Variants in TTC29 observed in about 807,000 individuals in gnomAD.
TTC29 encodes the protein tetratricopeptide repeat domain 29.
TTC29 carries 49 observed loss-of-function variants against 58.1 expected under a neutral mutation model. The observed-to-expected ratio is 0.84, with a 90% CI of 0.67 to 1.07. The LOEUF (loss-of-function observed/expected upper bound fraction) is 1.07, where lower values mean the gene tolerates loss of function less well. Ranked by LOEUF, TTC29 falls within the 50% of genes least tolerant of loss-of-function variation. The pLI, the probability that TTC29 is intolerant of heterozygous loss-of-function variation, is 0.00. For missense variants in TTC29, 582 were observed against 555.6 expected, an observed-to-expected ratio of 1.05 and a Z score of -0.48; for synonymous variants, 209 against 196.8, an observed-to-expected ratio of 1.06 and a Z score of -0.52.
intron 8 of TTC29, among the ~76,000 whole-genome samples, chr4:146,848,475 C>T (rs1240636594): frequency 6.6e-6 from 1 of 152,136 alleles, no homozygotes; most frequent in Non-Finnish European, 1.5e-5. Flanking sequence ...CATAAAATCA[C>T]TTAAATCAAT....
At chr4:146,921,820 T>C (rs1330625753) in intron 4 of TTC29, among the ~76,000 whole-genome samples, 1 of 151,012 alleles carries the variant, frequency 6.6e-6, no homozygotes, top group Non-Finnish European at 1.5e-5. Context: ...GATTTTTATA[T>C]AATTATCTAT....
intron 11 of TTC29, among the ~76,000 whole-genome samples, chr4:146,721,763 T>C (rs1743375256): frequency 6.6e-6 from 1 of 152,072 alleles, no homozygotes; most frequent in African/African-American, 2.4e-5. Context: ...TATGGACAAC[T>C]CTTTAATAAG....
chr4:146,811,714 CT>C (rs1164797700), intron 10 of TTC29, among the ~76,000 whole-genome samples: 2 of 152,190 alleles, frequency 1.3e-5, no homozygotes, highest in African/African-American at 4.8e-5. Flanking sequence ...ATCTTCAACT[CT>C]GCATACCTCT....
intron 4 of TTC29, among the ~76,000 whole-genome samples, chr4:146,923,274 G>A (rs1352456479): frequency 6.6e-6 from 1 of 151,574 alleles, no homozygotes; most frequent in African/African-American, 2.4e-5. Flanking sequence ...TGTAGCATAA[G>A]AAAATTAAAA....
chr4:146,724,096 A>G (rs1387391723), intron 11 of TTC29, among the ~76,000 whole-genome samples: 1 of 152,254 alleles, frequency 6.6e-6, no homozygotes, highest in Non-Finnish European at 1.5e-5. Context: ...GCTGGAGGCC[A>G]TTATCCTAAG....
At chr4:146,759,484 A>T (rs1200678700) in intron 11 of TTC29, among the ~76,000 whole-genome samples, 1 of 152,122 alleles carries the variant, frequency 6.6e-6, no homozygotes, top group African/African-American at 2.4e-5. Context: ...CATAACCAAA[A>T]AAGAAAACTA....
intron 11 of TTC29, among the ~76,000 whole-genome samples, chr4:146,711,192 A>G (rs1742466833): frequency 6.6e-6 from 1 of 152,128 alleles, no homozygotes; most frequent in African/African-American, 2.4e-5. Flanking sequence ...TCTTCAACAA[A>G]CCAAAAGTAT....
rs1359980918 is a variant in TTC29 at position 146,903,705 on chromosome 4, T to C, written c.425A>G (p.Asn142Ser). Residue 142 changes from asparagine to serine, a missense_variant, in exon 6 of 13, where the codon AAC (asparagine) becomes AGC (serine). By Grantham distance (46) the Asn-to-Ser change is conservative. Coordinates refer to ENST00000325106, the MANE Select transcript of TTC29 (RefSeq NM_031956.4). ...RKESFEDVHN[N>S]LYALACYFNN... ...GAAGTAACAGGCCAGAGCATACAAG[T>C]TATTATGTACATCTTCGAAGGATTC... is the stretch of plus-strand genomic sequence containing the variant. 3.7e-6 allele frequency: 6 copies of C among 1,604,056 alleles called. No individual in the cohort carries two copies. The highest frequency in any genetic ancestry group is 1.3e-5 in the African/African-American group (1 of 74,406).
At chr4:146,846,311 T>G (rs1729165526) in intron 8 of TTC29, among the ~76,000 whole-genome samples, 1 of 152,086 alleles carries the variant, frequency 6.6e-6, no homozygotes, top group Admixed American at 6.6e-5. Flanking sequence ...CTCAGACAAA[T>G]AAAAGTTTCC....
chr4:146,833,073 T>A (rs1728273154), intron 9 of TTC29, among the ~76,000 whole-genome samples: 1 of 152,182 alleles, frequency 6.6e-6, no homozygotes, highest in South Asian at 2.1e-4. Context: ...ACAATCTATA[T>A]TACTACAGTT....
At chr4:146,898,472 C>G (rs1362827653) in intron 6 of TTC29, among the ~76,000 whole-genome samples, 2 of 152,194 alleles carry the variant, frequency 1.3e-5, no homozygotes, top group Non-Finnish European at 2.9e-5. Flanking sequence ...CTGTTTCTTT[C>G]TTCAGAAGTC....
At chr4:146,719,632 AC>A (rs1481995787) in intron 11 of TTC29, among the ~76,000 whole-genome samples, 1 of 152,110 alleles carries the variant, frequency 6.6e-6, no homozygotes, top group Non-Finnish European at 1.5e-5. Flanking sequence ...TCTTTTAGAG[AC>A]CATTCCTAAT....
At chr4:146,875,284 T>C (rs896451360) in intron 6 of TTC29, among the ~76,000 whole-genome samples, 3 of 152,230 alleles carry the variant, frequency 2.0e-5, no homozygotes, top group African/African-American at 7.2e-5. Flanking sequence ...GTGTGCTTTA[T>C]ATGCATTTCT....
intron 9 of TTC29, chr4:146,831,791 G>A (rs1480952837): frequency 2.4e-6 from 1 of 424,606 alleles, no homozygotes; most frequent in Admixed American, 2.5e-5. Context: ...ACAGACTCAT[G>A]TCTCTGGAAG....
intron 8 of TTC29, among the ~76,000 whole-genome samples, chr4:146,853,426 T>C (rs185505236): frequency 2.6e-4 from 40 of 152,302 alleles, no homozygotes; most frequent in African/African-American, 7.9e-4. Flanking sequence ...TGTTATAAAA[T>C]GTTTATTCAT....
At position 146,792,092 on chromosome 4, in the gene TTC29, T is replaced by G. The variant is rs139888678; in HGVS notation, c.1330+11365A>C. On this transcript the variant is annotated intron_variant, in intron 11 of 12. Transcript: ENST00000325106. ...AAGCTGCAGCAAGTTATCCAGAAGA[T>G]CTAGCTAAGATAATTGGTGAAGGTG... Among the ~76,000 whole-genome samples, 21 of 152,300 alleles carry G rather than the reference T, an allele frequency of 1.4e-4. No individual in the cohort carries two copies. The East Asian group carries it at 3.5e-3, about 25-fold the overall frequency.
chr4:146,742,003 A>AACT (rs1211802871), intron 11 of TTC29, among the ~76,000 whole-genome samples: 1 of 152,162 alleles, frequency 6.6e-6, no homozygotes, highest in Non-Finnish European at 1.5e-5. Context: ...TATCTCATTT[A>AACT]ACTTATTATC....
At position 146,754,460 on chromosome 4, in the gene TTC29, G is replaced by A. The variant is rs559390486; in HGVS notation, c.1331-46909C>T. Among the ~76,000 whole-genome samples, 7 of 152,196 alleles carry A rather than the reference G, an allele frequency of 4.6e-5. No individual in the cohort carries two copies. In the South Asian group the frequency reaches 8.3e-4, roughly 18 times the overall value. Reference sequence around the variant, plus strand: ...CCTTTAATACCTAAGCCAAAGAAGAGCTCACAAGAAAAGAAAGCTACAGGC... The same window carrying A: ...CCTTTAATACCTAAGCCAAAGAAGAACTCACAAGAAAAGAAAGCTACAGGC... On this transcript the variant is annotated intron_variant, in intron 11 of 12. Transcript: ENST00000325106.
intron 9 of TTC29, among the ~76,000 whole-genome samples, chr4:146,821,985 G>GTTTTTTTTTTTTTTTTTTTTTTT: frequency 9.1e-6 from 1 of 109,598 alleles, no homozygotes; most frequent in Non-Finnish European, 1.8e-5. Flanking sequence ...CATGTCTAGT[G>GTTTTTTTTTTTTTTTTTTTTTTT]TTTTTTTTTT....
Sources: gnomAD v4.1 joint callset for allele counts (sites outside exome capture counted in the v4.1 genomes callset) on GRCh38, gnomAD v4.1.1 for gene constraint, MANE v1.5 for transcripts, NCBI Gene and HGNC (gene_info 2026-07-23, HGNC 2026-07-21) for gene names.